Variants in LRCH3 observed in about 807,000 individuals in gnomAD.
LRCH3 encodes leucine rich repeats and calponin homology domain containing 3.
In LRCH3, 68 loss-of-function variants were observed where a neutral mutation model predicts 104.5. The ratio of observed to expected loss-of-function variants is 0.65; its 90% CI spans 0.54 to 0.80. LRCH3 has a LOEUF of 0.80. Among genes scored for constraint, LRCH3 ranks in the 30% least tolerant of loss-of-function variants. The pLI, the probability that LRCH3 is intolerant of heterozygous loss-of-function variation, is 0.00. For missense variants in LRCH3, 951 were observed against 953.9 expected (o/e 1.00, Z 0.04); for synonymous variants, 344 against 361.3 (o/e 0.95, Z 0.54).
Position 197,883,517 on chromosome 3 carries a change from T to G in LRCH3, c.2209-24T>G. The G allele has an allele frequency of 6.5e-7, 1 of 1,527,372 alleles. No individual in the cohort carries two copies. Among genetic ancestry groups the G allele is most frequent in the Non-Finnish European group, 8.7e-7 (1 of 1,142,898 alleles). 94.6% of individuals were successfully genotyped at this position (1,527,372 alleles called of 1,614,324 possible). ...CATCCGATTTTCTTTTTTGTTTGTT[T>G]TCATGTTACGTTGTCCCTTTCAGGA... On this transcript the variant is annotated intron_variant, in intron 20 of 20. Transcript: ENST00000425562. This position sits in a 1 kb window ranked among gnomAD's most constrained non-coding sequence, Gnocchi z 4.2.
At chr3:197,835,543 T>C in intron 8 of LRCH3, 131 bp from the exon 9 acceptor site, 1 of 999,284 alleles carries the variant, frequency 1.0e-6, no homozygotes, top group Non-Finnish European at 1.3e-6. Context: ...AAAGTTTTTA[T>C]CATCCCTCCC....
In LRCH3 at chr3:197,877,458, TGATTCTCTTTACCCAAC is replaced by T. The variant is rs1167548083; in HGVS notation, c.2208+1684_2208+1700del. 3.5e-3 allele frequency among the ~76,000 whole-genome samples: 249 copies of T among 71,228 alleles called. 10 individuals carry two copies. Among genetic ancestry groups the T allele is most frequent in the African/African-American group, 0.014 (235 of 17,364 alleles). The allele number at this position is 71,228 out of a possible 152,430, so 46.7% of individuals were successfully genotyped here. On this transcript the variant is annotated intron_variant, in intron 20 of 20. Coordinates refer to ENST00000425562, the MANE Select transcript of LRCH3 (RefSeq NM_001365715.1). ...ACCCAACTCACCGCACCCATGGCAGTGATTCTCTTTACCCAACTCACCGCACCCATGGCAGTGATTCT... is the reference window on the plus strand; with the variant it reads ...ACCCAACTCACCGCACCCATGGCAGTTCACCGCACCCATGGCAGTGATTCT...
chr3:197,837,184 T>A (rs1560562497), intron 9 of LRCH3, among the ~76,000 whole-genome samples: 2 of 152,178 alleles, frequency 1.3e-5, no homozygotes, highest in Non-Finnish European at 2.9e-5. Flanking sequence ...AAGGGGCAAC[T>A]AACTATTTTG....
intron 1 of LRCH3, among the ~76,000 whole-genome samples, chr3:197,809,197 CTG>C (rs1366496466): frequency 1.3e-5 from 2 of 151,472 alleles, no homozygotes; most frequent in South Asian, 2.1e-4. Context: ...CCTCAGGAGA[CTG>C]GGGTGGGAGG....
chr3:197,837,169 G>A (rs548381446), intron 9 of LRCH3, among the ~76,000 whole-genome samples: 1 of 152,240 alleles, frequency 6.6e-6, no homozygotes, highest in Non-Finnish European at 1.5e-5. Flanking sequence ...TGAGGCTGCT[G>A]GAGCAAGGGG....
At chr3:197,806,797 C>T (rs1732536690) in intron 1 of LRCH3, among the ~76,000 whole-genome samples, 2 of 151,154 alleles carry the variant, frequency 1.3e-5, no homozygotes, top group South Asian at 4.2e-4. Context: ...AGTGATCCAC[C>T]CGCCTCAGCC....
intron 1 of LRCH3, among the ~76,000 whole-genome samples, chr3:197,793,317 A>C (rs1438682552): frequency 6.6e-6 from 1 of 152,228 alleles, no homozygotes; most frequent in South Asian, 2.1e-4. Flanking sequence ...GTTGAACTGA[A>C]TATTTTTTAG....
chr3:197,833,387 A>G (rs1736236769), intron 8 of LRCH3, among the ~76,000 whole-genome samples: 1 of 149,412 alleles, frequency 6.7e-6, no homozygotes, highest in African/African-American at 2.4e-5. Context: ...AAAAAAAAAA[A>G]AAAAGCAGGG....
At chr3:197,875,818 T>C in intron 20 of LRCH3, 43 bp downstream of exon 20, 1 of 1,292,548 alleles carries the variant, frequency 7.7e-7, no homozygotes, top group Non-Finnish European at 1.1e-6. Context: ...ATAGACTTGG[T>C]TGTCCTAAAA....
At chr3:197,817,360 G>GTA (rs58866690) in intron 3 of LRCH3, 58 bp downstream of exon 3, 2,376 of 86,164 alleles carry the variant, frequency 0.028, 16 homozygotes, top group Non-Finnish European at 0.034. Flanking sequence ...GTGTGTGTGT[G>GTA]TATATATATA....
chr3:197,881,797 C>G (rs1713794993), intron 20 of LRCH3: 1 of 985,260 alleles, frequency 1.0e-6, no homozygotes. Context: ...TTGTGAGGAG[C>G]ATAATATCCG....
chr3:197,803,467 G>A (rs1732122262), intron 1 of LRCH3, among the ~76,000 whole-genome samples: 1 of 152,168 alleles, frequency 6.6e-6, no homozygotes, highest in Non-Finnish European at 1.5e-5. Flanking sequence ...GGTACTAGGT[G>A]CAGGTAGTTA....
Position 197,884,228 on chromosome 3 carries a change from C to G in LRCH3, c.*562C>G, listed in dbSNP as rs1453886852. On this transcript the variant is annotated 3_prime_UTR_variant, in exon 21 of 21. Transcript: ENST00000425562. ...AGAGTGCAGTGGCATAATCTCAGCT[C>G]ACTGCAACCTCCGCCTCCCGGGCTC... 1 of 152,424 alleles carries G rather than the reference C, an allele frequency of 6.6e-6. No homozygotes were observed. 9.4% of individuals were successfully genotyped at this position (152,424 alleles called of 1,614,324 possible).
rs948602651 is a variant in LRCH3 at position 197,879,616 on chromosome 3, C to CA, written c.2208+3849dup. Among the ~76,000 whole-genome samples, 17 of 150,990 alleles carry CA rather than the reference C, an allele frequency of 1.1e-4. 1 individual carries two copies. Among genetic ancestry groups the CA allele is most frequent in the South Asian group, 2.1e-4 (1 of 4,794 alleles). On this transcript the variant is annotated intron_variant, in intron 20 of 20. Coordinates refer to ENST00000425562, the MANE Select transcript of LRCH3 (RefSeq NM_001365715.1). ...AGCCGAGATCAGCGAGACTCCGTCT[C>CA]AAAAAAAATAAAAAATAAAAAAATA...
chr3:197,817,346 CTGTG>C, intron 3 of LRCH3, 44 bp downstream of exon 3: 15 of 258,846 alleles, frequency 5.8e-5, no homozygotes, highest in South Asian at 2.0e-4. Context: ...GTGTGTGTGT[CTGTG>C]TGTGTGTGTG....
At chr3:197,874,138 G>T (rs1467396069) in intron 19 of LRCH3, among the ~76,000 whole-genome samples, 1 of 152,066 alleles carries the variant, frequency 6.6e-6, no homozygotes, top group Non-Finnish European at 1.5e-5. Flanking sequence ...TTTCTTTAGT[G>T]CAGGGGTCCC....
chr3:197,878,623 C>T (rs963304712), intron 20 of LRCH3, among the ~76,000 whole-genome samples: 2 of 152,186 alleles, frequency 1.3e-5, no homozygotes, highest in Non-Finnish European at 2.9e-5. Context: ...CCACCACAAC[C>T]ACTGCCAGTT....
At chr3:197,849,926 G>A (rs1739338211) in intron 12 of LRCH3, among the ~76,000 whole-genome samples, 1 of 152,158 alleles carries the variant, frequency 6.6e-6, no homozygotes, top group Admixed American at 6.5e-5. Flanking sequence ...AAATAAGGCA[G>A]CTTATAATGA....
At chr3:197,844,028 T>C (rs186599233) in intron 10 of LRCH3, among the ~76,000 whole-genome samples, 99 of 152,274 alleles carry the variant, frequency 6.5e-4, no homozygotes, top group African/African-American at 2.1e-3. Flanking sequence ...GTGCAAGTAA[T>C]GTTAGATGCC....
Sources: gnomAD v4.1 joint callset for allele counts (sites outside exome capture counted in the v4.1 genomes callset) on GRCh38, gnomAD v4.1.1 for gene constraint, Gnocchi (gnomAD v3.1) non-coding constraint, MANE v1.5 for transcripts, NCBI Gene and HGNC (gene_info 2026-07-23, HGNC 2026-07-21) for gene names.